Variants in CD46 observed in about 807,000 individuals in gnomAD.
CD46 encodes the protein membrane cofactor protein.
A neutral mutation model predicts 53.3 loss-of-function variants in CD46; 30 were observed. That is an observed-to-expected ratio of 0.56 (90% CI 0.42 to 0.76). The LOEUF (loss-of-function observed/expected upper bound fraction) is 0.76, where lower values mean the gene tolerates loss of function less well. Ranked by LOEUF, CD46 falls within the 30% of genes least tolerant of loss-of-function variation. The pLI is 0.00. For missense variants in CD46, 409 were observed against 463.0 expected, an observed-to-expected ratio of 0.88 and a Z score of 1.07; for synonymous variants, 142 against 152.0, an observed-to-expected ratio of 0.93 and a Z score of 0.48.
intron 10 of CD46, among the ~76,000 whole-genome samples, chr1:207,785,325 T>C (rs1213222081): frequency 6.6e-6 from 1 of 152,248 alleles, no homozygotes; most frequent in Admixed American, 6.5e-5. Flanking sequence ...TAACAAAGCC[T>C]AAGTAATACA....
intron 12 of CD46, among the ~76,000 whole-genome samples, chr1:207,792,956 A>T (rs1352901988): frequency 6.6e-6 from 1 of 152,260 alleles, no homozygotes; most frequent in African/African-American, 2.4e-5. Flanking sequence ...ATTTTAAATT[A>T]CATGTATGAC....
At chr1:207,753,988 A>C (rs1655219429) in intron 1 of CD46, among the ~76,000 whole-genome samples, 1 of 152,222 alleles carries the variant, frequency 6.6e-6, no homozygotes, top group South Asian at 2.1e-4. Context: ...ACACACATTC[A>C]TGCAGGAAGA....
chr1:207,790,653 A>G (rs1659714555), intron 12 of CD46, among the ~76,000 whole-genome samples: 1 of 152,240 alleles, frequency 6.6e-6, no homozygotes, highest in African/African-American at 2.4e-5. Flanking sequence ...TTGTGAGCCA[A>G]CTGGGAAATA....
At chr1:207,776,532 A>C (rs1220941139) in intron 8 of CD46, among the ~76,000 whole-genome samples, 1 of 152,266 alleles carries the variant, frequency 6.6e-6, no homozygotes, top group Non-Finnish European at 1.5e-5. Flanking sequence ...TTAAAAACTT[A>C]AGACATATCT....
At chr1:207,759,891 A>G in intron 4 of CD46, 167 bp downstream of exon 4, 1 of 569,532 alleles carries the variant, frequency 1.8e-6, no homozygotes. Context: ...AGAGGTTTTT[A>G]AATAATTATT....
At chr1:207,758,270 A>G (rs1349107468) in intron 3 of CD46, among the ~76,000 whole-genome samples, 2 of 152,166 alleles carry the variant, frequency 1.3e-5, no homozygotes, top group Non-Finnish European at 2.9e-5. Flanking sequence ...ATAACAGAAT[A>G]CTTGAGGCTA....
At chr1:207,787,132 C>T (rs563473385) in intron 11 of CD46, among the ~76,000 whole-genome samples, 14 of 152,194 alleles carry the variant, frequency 9.2e-5, no homozygotes, top group South Asian at 2.1e-4. Context: ...AGTGCAATGG[C>T]GCAATCTTGG....
At chr1:207,786,206 A>T (rs1394979358) in intron 11 of CD46, 1 of 156,930 alleles carries the variant, frequency 6.4e-6, no homozygotes, top group Non-Finnish European at 1.4e-5. Flanking sequence ...ATACATGTTA[A>T]ACTGGGGGAT....
In CD46 at chr1:207,793,747, G is replaced by C. The variant is rs1292069518; in HGVS notation, c.*270G>C. On this transcript the variant is annotated 3_prime_UTR_variant, in exon 13 of 13. Coordinates refer to ENST00000367042, the MANE Select transcript of CD46 (RefSeq NM_172351.3). Reference sequence around the variant, plus strand: ...AGGTAGCATCCTTTGATGCTTCTTTGAAACTTGTATGAATTTGGGTATGAA... The same window carrying C: ...AGGTAGCATCCTTTGATGCTTCTTTCAAACTTGTATGAATTTGGGTATGAA... 2.8e-6 allele frequency: 2 copies of C among 714,802 alleles called. No individual in the cohort carries two copies. Among genetic ancestry groups the C allele is most frequent in the Non-Finnish European group, 5.1e-6 (2 of 389,138 alleles). 44.3% of individuals were successfully genotyped at this position (714,802 alleles called of 1,614,324 possible).
intron 6 of CD46, chr1:207,767,513 A>AG (rs1571618935): frequency 1.1e-5 from 12 of 1,059,386 alleles, no homozygotes; most frequent in East Asian, 7.1e-5. Context: ...GGGCATTTTT[A>AG]TCTAAGTAAG....
chr1:207,791,974 A>C (rs1225533654), intron 12 of CD46, among the ~76,000 whole-genome samples: 2 of 152,166 alleles, frequency 1.3e-5, no homozygotes, highest in Non-Finnish European at 2.9e-5. Flanking sequence ...ATGGGAAAAA[A>C]ATATTTACTT....
chr1:207,786,797 G>C (rs1659308939), intron 11 of CD46, among the ~76,000 whole-genome samples: 1 of 151,980 alleles, frequency 6.6e-6, no homozygotes, highest in Admixed American at 6.6e-5. Context: ...CTTAAATCTT[G>C]TATTAATGGA....
At chr1:207,781,481 G>A (rs1046806872) in intron 8 of CD46, among the ~76,000 whole-genome samples, 1 of 152,100 alleles carries the variant, frequency 6.6e-6, no homozygotes, top group African/African-American at 2.4e-5. Context: ...GGCTTTTAGA[G>A]TCACATCCAA....
chr1:207,771,321 A>C (rs2102617248), intron 8 of CD46, among the ~76,000 whole-genome samples: 1 of 152,316 alleles, frequency 6.6e-6, no homozygotes, highest in South Asian at 2.1e-4. Context: ...GGCAGATTGC[A>C]AAGATTTTCT....
chr1:207,777,858 C>T (rs1489735315), intron 8 of CD46, among the ~76,000 whole-genome samples: 3 of 152,100 alleles, frequency 2.0e-5, no homozygotes, highest in African/African-American at 4.8e-5. Context: ...TTTGAGGAAT[C>T]GCCATACTGC....
At chr1:207,764,612 A>C (rs374829277) in intron 5 of CD46, among the ~76,000 whole-genome samples, 71 of 152,354 alleles carry the variant, frequency 4.7e-4, no homozygotes, top group African/African-American at 1.6e-3. Context: ...TCAACAGACA[A>C]ACAAAAGAAT....
At chr1:207,790,095 G>T (rs1659661496) in intron 11 of CD46, among the ~76,000 whole-genome samples, 158 bp from the exon 12 acceptor site, 1 of 152,070 alleles carries the variant, frequency 6.6e-6, no homozygotes, top group Admixed American at 6.5e-5. Context: ...CATGTTTCCA[G>T]TCCTTCAGTG....
intron 8 of CD46, among the ~76,000 whole-genome samples, chr1:207,778,831 G>A (rs1387587761): frequency 2.0e-5 from 3 of 152,150 alleles, no homozygotes; most frequent in African/African-American, 7.2e-5. Flanking sequence ...GAATGTCGTT[G>A]GTAGTTTGAT....
chr1:207,775,723 T>A (rs1438559862), intron 8 of CD46, among the ~76,000 whole-genome samples: 1 of 152,182 alleles, frequency 6.6e-6, no homozygotes, highest in Non-Finnish European at 1.5e-5. Flanking sequence ...TGCCTGATCC[T>A]TCCTCTGGAA....
Sources: allele counts gnomAD v4.1 joint callset (sites outside exome capture counted in the v4.1 genomes callset), GRCh38; gene constraint gnomAD v4.1.1; transcripts MANE v1.5; gene names NCBI Gene and HGNC (gene_info 2026-07-23, HGNC 2026-07-21).